The following LRRTM4 variants were observed in gnomAD, a reference collection of about 807,000 sequenced individuals.
LRRTM4 encodes the protein leucine rich repeat transmembrane neuronal 4.
A neutral mutation model predicts 47.6 loss-of-function variants in LRRTM4; 25 were observed. That is an observed-to-expected ratio of 0.53 (90% confidence interval 0.38 to 0.73). The LOEUF is 0.73. Among genes scored for constraint, LRRTM4 ranks in the 30% least tolerant of loss-of-function variants. LRRTM4 has a pLI of 0.00. For missense variants in LRRTM4, 638 were observed against 713.4 expected, an observed-to-expected ratio of 0.89 and a Z score of 1.20; for synonymous variants, 311 against 269.5, an observed-to-expected ratio of 1.15 and a Z score of -1.51.
intron 3 of LRRTM4, among the ~76,000 whole-genome samples, chr2:77,025,372 A>T (rs1435052499): frequency 1.3e-5 from 2 of 152,172 alleles, no homozygotes; most frequent in Non-Finnish European, 2.9e-5. Context: ...CCTAATGAGC[A>T]CAGGAAAAAT....
At chr2:77,269,405 A>C (rs2104065307) in intron 3 of LRRTM4, among the ~76,000 whole-genome samples, 1 of 152,326 alleles carries the variant, frequency 6.6e-6, no homozygotes, top group South Asian at 2.1e-4. Context: ...AGTTAAACAT[A>C]GAAATAAGAT....
At chr2:77,516,865 A>G (rs1242047727) in intron 3 of LRRTM4, 6 of 984,886 alleles carry the variant, frequency 6.1e-6, no homozygotes, top group Non-Finnish European at 7.2e-6. Flanking sequence ...TTTGTCTGAA[A>G]ACATTTTCAT....
chr2:76,930,507 G>GCCAC (rs1483397381), intron 3 of LRRTM4, among the ~76,000 whole-genome samples: 2 of 152,160 alleles, frequency 1.3e-5, no homozygotes, highest in African/African-American at 4.8e-5. Context: ...AACCGCAGAT[G>GCCAC]CCACAGCAGA....
chr2:77,321,620 A>G (rs1374624417), intron 3 of LRRTM4, among the ~76,000 whole-genome samples: 1 of 151,098 alleles, frequency 6.6e-6, no homozygotes, highest in Non-Finnish European at 1.5e-5. Flanking sequence ...CCATGACTTA[A>G]TGTGAGATAA....
intron 3 of LRRTM4, among the ~76,000 whole-genome samples, chr2:77,500,380 T>C (rs1424316717): frequency 1.3e-5 from 2 of 151,746 alleles, no homozygotes; most frequent in Non-Finnish European, 2.9e-5. Context: ...AATAGCACCA[T>C]TGGAATTAAT....
chr2:77,426,800 T>C (rs944960030), intron 3 of LRRTM4, among the ~76,000 whole-genome samples: 25 of 136,200 alleles, frequency 1.8e-4, no homozygotes, highest in African/African-American at 7.2e-4. Context: ...CACACAGAGG[T>C]GTATGCACAC....
chr2:77,323,534 C>A (rs192471659), intron 3 of LRRTM4, among the ~76,000 whole-genome samples: 1 of 152,128 alleles, frequency 6.6e-6, no homozygotes, highest in East Asian at 1.9e-4. Flanking sequence ...AAAATGAATA[C>A]CTAATCACAA....
intron 3 of LRRTM4, among the ~76,000 whole-genome samples, chr2:76,950,762 A>G (rs1427830805): frequency 6.6e-6 from 1 of 152,008 alleles, no homozygotes; most frequent in Non-Finnish European, 1.5e-5. Context: ...CAAAAATAAA[A>G]CAGATACTCA....
At chr2:77,372,698 T>C (rs1258964511) in intron 3 of LRRTM4, among the ~76,000 whole-genome samples, 1 of 151,742 alleles carries the variant, frequency 6.6e-6, no homozygotes, top group East Asian at 1.9e-4. Flanking sequence ...TGGACCTTCA[T>C]GGAAAATATA....
intron 3 of LRRTM4, among the ~76,000 whole-genome samples, chr2:77,427,319 T>C (rs1675161731): frequency 1.3e-5 from 2 of 152,278 alleles, no homozygotes; most frequent in Admixed American, 1.3e-4. Context: ...GCTTGGGACC[T>C]AGTTAATATC....
intron 3 of LRRTM4, among the ~76,000 whole-genome samples, chr2:76,989,321 C>A (rs1573411224): frequency 6.6e-6 from 1 of 151,706 alleles, no homozygotes; most frequent in Non-Finnish European, 1.5e-5. Flanking sequence ...CAAAAACATG[C>A]ATTAGTGGTC....
In LRRTM4 at chr2:77,077,738, T is replaced by C. The variant is rs555722436; in HGVS notation, c.1552-328822A>G. On this transcript the variant is annotated intron_variant, in intron 3 of 3. Coordinates refer to ENST00000409884, the MANE Select transcript of LRRTM4 (RefSeq NM_001134745.3). ...AAACATAGAGTATGTTTTTGGGAAA[T>C]AAATCCCCAAAAATGCTTCTCAGTC... Among the ~76,000 whole-genome samples the C allele has an allele frequency of 1.3e-3, 203 of 152,192 alleles. 1 individual carries two copies. Among genetic ancestry groups the C allele is most frequent in the African/African-American group, 4.8e-3 (198 of 41,552 alleles).
chr2:76,755,791 G>A (rs780377499), intron 3 of LRRTM4, among the ~76,000 whole-genome samples: 6 of 152,090 alleles, frequency 3.9e-5, no homozygotes, highest in Non-Finnish European at 7.4e-5. Flanking sequence ...GGGCATATCT[G>A]AACCCAGAAA....
chr2:77,153,844 TA>T (rs1672491113), intron 3 of LRRTM4, among the ~76,000 whole-genome samples: 1 of 152,194 alleles, frequency 6.6e-6, no homozygotes, highest in Admixed American at 6.5e-5. Context: ...TTAAAGAGTG[TA>T]ACTTTTGTCC....
At chr2:77,326,959 T>G (rs921491051) in intron 3 of LRRTM4, among the ~76,000 whole-genome samples, 1 of 152,178 alleles carries the variant, frequency 6.6e-6, no homozygotes, top group African/African-American at 2.4e-5. Flanking sequence ...AATTTCAGAA[T>G]TCAGAGTTTC....
intron 3 of LRRTM4, among the ~76,000 whole-genome samples, chr2:77,050,875 C>A (rs1356876574): frequency 1.3e-5 from 2 of 152,100 alleles, no homozygotes; most frequent in Non-Finnish European, 2.9e-5. Context: ...AGATATTATT[C>A]ATCAGTACTC....
At chr2:76,850,337 G>A (rs1671956321) in intron 3 of LRRTM4, among the ~76,000 whole-genome samples, 1 of 152,136 alleles carries the variant, frequency 6.6e-6, no homozygotes, top group African/African-American at 2.4e-5. Context: ...AGTAAAAACG[G>A]AAGCAATTGT....
intron 3 of LRRTM4, among the ~76,000 whole-genome samples, chr2:77,045,624 T>C (rs1004520507): frequency 6.6e-6 from 1 of 151,946 alleles, no homozygotes; most frequent in Admixed American, 6.6e-5. Context: ...ATGGTTATTA[T>C]AAGGAGGAGT....
intron 3 of LRRTM4, among the ~76,000 whole-genome samples, chr2:77,000,141 G>C (rs538820452): frequency 1.2e-4 from 18 of 144,164 alleles, no homozygotes; most frequent in African/African-American, 4.4e-4. Context: ...TACGGAGAAA[G>C]AGTGGGAAAG....
Sources: allele counts gnomAD v4.1 joint callset (sites outside exome capture counted in the v4.1 genomes callset), GRCh38; gene constraint gnomAD v4.1.1; transcripts MANE v1.5; gene names NCBI Gene and HGNC (gene_info 2026-07-23, HGNC 2026-07-21).